Variants in BICC1 observed in about 807,000 individuals in gnomAD.
BICC1 encodes BicC family RNA binding protein 1, also known as protein bicaudal C homolog 1.
A neutral mutation model predicts 111.0 loss-of-function variants in BICC1; 43 were observed. That is an observed-to-expected ratio of 0.39 (90% CI 0.30 to 0.50). The LOEUF (loss-of-function observed/expected upper bound fraction) is 0.50. Among genes scored for constraint, BICC1 ranks in the 20% least tolerant of loss-of-function variants. The probability of loss-of-function intolerance (pLI) is 0.88; values close to 1 mark genes in which losing one functional copy is unlikely to be tolerated. For missense variants in BICC1, 1,091 were observed against 1,203.2 expected (o/e 0.91, Z 1.38); for synonymous variants, 467 against 434.4 (o/e 1.07, Z -0.93).
rs181304036 is a variant in BICC1, at chr10:58,515,107, A to G, written c.190+1774A>G. On this transcript the variant is annotated intron_variant, in intron 1 of 20. Transcript: ENST00000373886. ...TTAATTCATTTTCACTTCGAATAAA[A>G]TGAAATTTTGAGGAGACTTTTTGAA... is the stretch of plus-strand genomic sequence containing the variant. 3.3e-3 allele frequency among the ~76,000 whole-genome samples: 500 copies of G among 152,346 alleles called. 1 individual carries two copies. Among genetic ancestry groups the G allele is most frequent in the South Asian group, 9.7e-3 (47 of 4,828 alleles).
rs543129815 is a variant in BICC1 at position 58,588,209 on chromosome 10, T to G, written c.191-32646T>G. Among the ~76,000 whole-genome samples the G allele has an allele frequency of 5.3e-5, 8 of 152,346 alleles. No individual in the cohort carries two copies. In the South Asian group the frequency reaches 1.7e-3, roughly 32 times the overall value. ...TATTCATGACCCCTGCCCCTTTTATTTACAGGGACAAGGCCTTTTCTGAAT... is the reference window on the plus strand; with the variant it reads ...TATTCATGACCCCTGCCCCTTTTATGTACAGGGACAAGGCCTTTTCTGAAT... On this transcript the variant is annotated intron_variant, in intron 1 of 20. Coordinates refer to ENST00000373886, the MANE Select transcript of BICC1 (RefSeq NM_001080512.3).
chr10:58,750,603 T>G (rs1841958454), intron 3 of BICC1, among the ~76,000 whole-genome samples: 1 of 152,096 alleles, frequency 6.6e-6, no homozygotes, highest in African/African-American at 2.4e-5. Flanking sequence ...TGAAGATGCA[T>G]CACCACTTCA....
chr10:58,721,143 G>A (rs1234542039), intron 3 of BICC1, among the ~76,000 whole-genome samples: 2 of 152,162 alleles, frequency 1.3e-5, no homozygotes, highest in Non-Finnish European at 2.9e-5. Flanking sequence ...CCTTCTCTTC[G>A]TGGGACAATT....
At chr10:58,633,589 A>G (rs1837862803) in intron 2 of BICC1, among the ~76,000 whole-genome samples, 1 of 152,242 alleles carries the variant, frequency 6.6e-6, no homozygotes, top group Admixed American at 6.5e-5. Flanking sequence ...CAAGTTCAGA[A>G]TGACAGCTGT....
At chr10:58,520,294 T>G (rs1460308627) in intron 1 of BICC1, among the ~76,000 whole-genome samples, 1 of 152,194 alleles carries the variant, frequency 6.6e-6, no homozygotes, top group Non-Finnish European at 1.5e-5. Flanking sequence ...TAATTTATAG[T>G]GGTTTTGGTG....
At chr10:58,556,377 G>T (rs1451676956) in intron 1 of BICC1, among the ~76,000 whole-genome samples, 1 of 152,036 alleles carries the variant, frequency 6.6e-6, no homozygotes, top group African/African-American at 2.4e-5. Context: ...TGAATTTCTT[G>T]ATGGGCCATA....
chr10:58,652,403 C>T (rs942443911), intron 2 of BICC1, among the ~76,000 whole-genome samples: 5 of 151,988 alleles, frequency 3.3e-5, no homozygotes, highest in Admixed American at 6.6e-5. Context: ...GTCTTTTGCT[C>T]GTAAATCTGA....
chr10:58,716,933 G>A (rs1483640980), intron 3 of BICC1, among the ~76,000 whole-genome samples: 1 of 149,064 alleles, frequency 6.7e-6, no homozygotes, highest in Non-Finnish European at 1.5e-5. Context: ...TGTCATCCTT[G>A]GATGCTGTCA....
At chr10:58,790,463 A>T (rs1191275489) in intron 8 of BICC1, among the ~76,000 whole-genome samples, 1 of 152,230 alleles carries the variant, frequency 6.6e-6, no homozygotes, top group Non-Finnish European at 1.5e-5. Context: ...GCAAAGTTAT[A>T]TATTATAATT....
At chr10:58,810,270 CT>C (rs1398462041) in intron 17 of BICC1, among the ~76,000 whole-genome samples, 1 of 152,134 alleles carries the variant, frequency 6.6e-6, no homozygotes, top group African/African-American at 2.4e-5. Context: ...CTTCCTATGG[CT>C]TTTCTTGCTT....
intron 1 of BICC1, among the ~76,000 whole-genome samples, chr10:58,568,399 G>A (rs1843836679): frequency 6.6e-6 from 1 of 152,100 alleles, no homozygotes; most frequent in South Asian, 2.1e-4. Context: ...TTCTCCTTGA[G>A]ATCACCACAC....
At chr10:58,559,505 T>G (rs1488014386) in intron 1 of BICC1, among the ~76,000 whole-genome samples, 1 of 152,160 alleles carries the variant, frequency 6.6e-6, no homozygotes, top group South Asian at 2.1e-4. Context: ...GTGGAGACTT[T>G]AGGTTTTTCT....
intron 2 of BICC1, among the ~76,000 whole-genome samples, chr10:58,626,144 A>G (rs902466845): frequency 2.6e-5 from 4 of 152,200 alleles, no homozygotes; most frequent in Admixed American, 6.5e-5. Flanking sequence ...AGAGTATTTG[A>G]TATCTTGATG....
In BICC1 at chr10:58,659,464, A is replaced by G. The variant is rs557874443; in HGVS notation, c.237+38563A>G. ...GGATGGAGCTGGAGGTCATTATCCT[A>G]AGTGAACTAACACAGGAGCAGAAAA... On this transcript the variant is annotated intron_variant, in intron 2 of 20. Coordinates refer to ENST00000373886, the MANE Select transcript of BICC1 (RefSeq NM_001080512.3). Among the ~76,000 whole-genome samples, 41 of 152,292 alleles carry G rather than the reference A, an allele frequency of 2.7e-4. No individual in the cohort carries two copies. In the South Asian group the frequency reaches 7.9e-3, roughly 29 times the overall value.
chr10:58,827,690 C>T (rs1844438824), intron 20 of BICC1, among the ~76,000 whole-genome samples: 1 of 152,012 alleles, frequency 6.6e-6, no homozygotes, highest in African/African-American at 2.4e-5. Context: ...TTTTTAATGA[C>T]ATGGATTCTT....
chr10:58,741,809 A>G (rs928004116), intron 3 of BICC1, among the ~76,000 whole-genome samples: 19 of 152,128 alleles, frequency 1.2e-4, no homozygotes, highest in Non-Finnish European at 4.4e-5. Context: ...AGCCTAGGAG[A>G]CGAGACGAGT....
intron 1 of BICC1, among the ~76,000 whole-genome samples, chr10:58,582,368 T>TA (rs2132014704): frequency 6.6e-6 from 1 of 152,360 alleles, no homozygotes; most frequent in African/African-American, 2.4e-5. Flanking sequence ...TAATGTAGTT[T>TA]AAGTATTTCC....
At chr10:58,535,938 A>G (rs1218658402) in intron 1 of BICC1, among the ~76,000 whole-genome samples, 4 of 151,488 alleles carry the variant, frequency 2.6e-5, no homozygotes, top group South Asian at 2.1e-4. Context: ...CTTATATCAG[A>G]TAAAACAGAC....
chr10:58,545,749 A>G (rs575811327), intron 1 of BICC1, among the ~76,000 whole-genome samples: 1 of 152,176 alleles, frequency 6.6e-6, no homozygotes, highest in Admixed American at 6.6e-5. Flanking sequence ...GGAAGGGTGC[A>G]GTATTCCTTG....
Sources: gnomAD v4.1 joint callset for allele counts (sites outside exome capture counted in the v4.1 genomes callset) on GRCh38, gnomAD v4.1.1 for gene constraint, MANE v1.5 for transcripts, NCBI Gene and HGNC (gene_info 2026-07-23, HGNC 2026-07-21) for gene names.